MYH9: variants seen among roughly 807,000 people sequenced by gnomAD.
MYH9 encodes the protein myosin-9.
MYH9 carries 29 observed loss-of-function variants against 241.9 expected under a neutral mutation model. That is an observed-to-expected ratio of 0.12 (90% confidence interval 0.09 to 0.16). The LOEUF (loss-of-function observed/expected upper bound fraction) is 0.16. Ranked by LOEUF, MYH9 falls within the 10% of genes least tolerant of loss-of-function variation. The pLI is 1.00. For synonymous variants in MYH9, 1,047 were observed against 1,062.6 expected (o/e 0.99, Z 0.29); for missense variants, 1,803 against 2,595.5 (o/e 0.69, Z 6.63).
At chr22:36,313,383 C>T (rs8141162) in intron 13 of MYH9, among the ~76,000 whole-genome samples, 76,497 of 143,304 alleles carry the variant, frequency 0.53, 22,611 homozygotes, top group Non-Finnish European at 0.67. Flanking sequence ...ACCCGGAAGG[C>T]GGAGCTTGCA....
At position 36,301,626 on chromosome 22, in the gene MYH9, T is replaced by C. The variant is rs770422754; in HGVS notation, c.2539A>G (p.Met847Val). 1 of 1,613,870 alleles carries C rather than the reference T, an allele frequency of 6.2e-7. No individual in the cohort carries two copies. The highest frequency in any genetic ancestry group is 1.1e-5 in the South Asian group (1 of 91,072). Residue 847 changes from methionine (M) to valine (V), a missense_variant, in exon 21 of 41, where the codon ATG (methionine) becomes GTG (valine). Coordinates refer to ENST00000216181, the MANE Select transcript of MYH9 (RefSeq NM_002473.6). The stretch of plus-strand genomic sequence containing the variant: ...ACCAGCTCCTCCTCCTTGGCCATCA[T>C]CTCCTCCTCCTGCCGGCTCACCTGC... ...LLQVSRQEEE[M>V]MAKEEELVKV...
chr22:36,361,518 C>A (rs1229933420), intron 1 of MYH9, among the ~76,000 whole-genome samples: 1 of 152,100 alleles, frequency 6.6e-6, no homozygotes, highest in Non-Finnish European at 1.5e-5. Context: ...TCATGTTGTA[C>A]ACAATGGATA....
chr22:36,296,791 G>A (rs1346651413), intron 25 of MYH9, 52 bp downstream of exon 25: 7 of 1,546,442 alleles, frequency 4.5e-6, no homozygotes, highest in Non-Finnish European at 6.1e-6. Context: ...GCAGCAAGCA[G>A]GAAGGGCTGG....
At chr22:36,312,972 C>A (rs1389221980) in intron 13 of MYH9, among the ~76,000 whole-genome samples, 1 of 151,840 alleles carries the variant, frequency 6.6e-6, no homozygotes, top group Non-Finnish European at 1.5e-5. Flanking sequence ...AGCCTGTAAT[C>A]CCAGCCACTC....
chr22:36,326,698 T>A, intron 4 of MYH9, 37 bp from the exon 5 acceptor site: 1 of 1,569,278 alleles, frequency 6.4e-7, no homozygotes, highest in African/African-American at 1.3e-5. Flanking sequence ...GGCTTAGGCA[T>A]GGCCAAGTCC....
At chr22:36,347,527 G>C (rs937382054) in intron 2 of MYH9, among the ~76,000 whole-genome samples, 2 of 151,720 alleles carry the variant, frequency 1.3e-5, no homozygotes, top group African/African-American at 2.4e-5. Flanking sequence ...GTGCTCAGGA[G>C]TTCGAGACCA....
At chr22:36,314,086 G>C in intron 13 of MYH9, 59 bp downstream of exon 13, 1 of 1,564,156 alleles carries the variant, frequency 6.4e-7, no homozygotes, top group Non-Finnish European at 8.8e-7. Context: ...TGAGGAGCGG[G>C]TGCCCCGGAA....
At position 36,312,666 on chromosome 22, in the gene MYH9, G is replaced by A. The variant is rs2017084194; in HGVS notation, c.1555-444C>T. 2.0e-5 allele frequency among the ~76,000 whole-genome samples: 3 copies of A among 152,274 alleles called. No individual in the cohort carries two copies. The South Asian group carries it at 6.2e-4, about 32-fold the overall frequency. ...TAGGAGGAGCCCCTTGAGGAAGATA[G>A]TCCCAGGGACCCAGCAGCCTTCTGC... On this transcript the variant is annotated intron_variant, in intron 13 of 40. Coordinates refer to ENST00000216181, the MANE Select transcript of MYH9 (RefSeq NM_002473.6).
Position 36,296,706 on chromosome 22 carries a change from T to C in MYH9, c.3272+137A>G, listed in dbSNP as rs16996648. On this transcript the variant is annotated intron_variant, in intron 25 of 40. Transcript: ENST00000216181. Reference sequence around the variant, plus strand: ...CCTGAGTGCACAAGAACTGTTTTGCTATGAAATAAATGGCTCTTTTAAGAC... The same window carrying C: ...CCTGAGTGCACAAGAACTGTTTTGCCATGAAATAAATGGCTCTTTTAAGAC... 30,020 of 1,011,364 alleles carry C rather than the reference T, an allele frequency of 0.03. 2,634 individuals are homozygous for C. The highest frequency in any genetic ancestry group is 0.28 in the African/African-American group (17,028 of 61,324). The allele number at this position is 1,011,364 out of a possible 1,614,324, so 62.6% of individuals were successfully genotyped here.
At chr22:36,315,762 A>C (rs952783880) in intron 12 of MYH9, among the ~76,000 whole-genome samples, 4 of 151,126 alleles carry the variant, frequency 2.6e-5, no homozygotes, top group Non-Finnish European at 4.4e-5. Flanking sequence ...AAAAAATAAC[A>C]AACAAACAAA....
At position 36,281,381 on chromosome 22, in the gene MYH9, T is replaced by C. The variant is rs1264788402; in HGVS notation, c.*1287A>G. 1 of 224,476 alleles carries C rather than the reference T, an allele frequency of 4.5e-6. No individual in the cohort carries two copies. The allele number at this position is 224,476 out of a possible 1,614,324, so 13.9% of individuals were successfully genotyped here. ...AACACATGCTAAGGCACTTTTATTA[T>C]ATAAAAAAGGGGGTAGGGTGGGAGT... is the stretch of plus-strand genomic sequence containing the variant. On this transcript the variant is annotated 3_prime_UTR_variant, in exon 41 of 41. Transcript: ENST00000216181.
rs1017634760 is a variant in MYH9, at chr22:36,282,443, A to G, written c.*225T>C. The G allele has an allele frequency of 9.1e-6, 6 of 658,932 alleles. No homozygotes were observed. The highest frequency in any genetic ancestry group is 1.6e-5 in the Non-Finnish European group (6 of 363,986). 40.8% of individuals were successfully genotyped at this position (658,932 alleles called of 1,614,324 possible). A position where few individuals can be genotyped will look rare whatever the true frequency, so the allele number is the denominator to read the frequency against. On this transcript the variant is annotated 3_prime_UTR_variant, in exon 41 of 41. Transcript: ENST00000216181. ...TGGGCCCGGGCCCTGTCTCTTTGGT[A>G]TCAGATTCTGAGCAGGGGAGGGAGC...
chr22:36,333,081 A>T (rs2017448655), intron 3 of MYH9, among the ~76,000 whole-genome samples: 1 of 152,236 alleles, frequency 6.6e-6, no homozygotes, highest in Admixed American at 6.5e-5. Context: ...ACAGGGAATA[A>T]GAGGGAAGGA....
Position 36,300,798 on chromosome 22 carries a change from G to T in MYH9, c.2838+53C>A. ...CCCAGCTCCTGGTTCCTGCTCCTCCGCCCCGCCCTGCCCCTCCGGCGCCAC... is the reference window on the plus strand; with the variant it reads ...CCCAGCTCCTGGTTCCTGCTCCTCCTCCCCGCCCTGCCCCTCCGGCGCCAC... On this transcript the variant is annotated intron_variant, in intron 22 of 40. Coordinates refer to ENST00000216181, the MANE Select transcript of MYH9 (RefSeq NM_002473.6). The surrounding 1 kb of genome is among the most constrained non-coding windows in gnomAD (Gnocchi z 5.0). 4 of 1,588,570 alleles carry T rather than the reference G, an allele frequency of 2.5e-6. No homozygotes were observed. Among genetic ancestry groups the T allele is most frequent in the Non-Finnish European group, 3.4e-6 (4 of 1,171,788 alleles).
At chr22:36,360,712 C>CAA (rs551858499) in intron 1 of MYH9, among the ~76,000 whole-genome samples, 13 of 109,820 alleles carry the variant, frequency 1.2e-4, no homozygotes, top group African/African-American at 2.1e-4. Flanking sequence ...GACTCCATCT[C>CAA]AAAAAAAAAA....
At chr22:36,347,353 T>G (rs1018363823) in intron 2 of MYH9, among the ~76,000 whole-genome samples, 1 of 150,646 alleles carries the variant, frequency 6.6e-6, no homozygotes, top group South Asian at 2.1e-4. Flanking sequence ...CTGGACAGAG[T>G]CCCAGAGCAA....
rs753419440 is a variant in MYH9 at position 36,300,208 on chromosome 22, C to G, written c.2895G>C (p.Glu965Asp). ...TCAGCTTCGCCTCGGTGGTCACCTT[C>G]TCCAGCTGCAGCTTCTGCCGGGCGC... The part of the protein sequence containing the change: ...EESARQKLQL[E>D]KVTTEAKLKK... The change falls in exon 23 of 41, where the codon GAG (glutamate) becomes GAC (aspartate). Residue 965 changes from glutamate to aspartate, a missense_variant. Coordinates refer to ENST00000216181, the MANE Select transcript of MYH9 (RefSeq NM_002473.6). The surrounding 1 kb of genome is among the most constrained non-coding windows in gnomAD (Gnocchi z 5.0). The G allele has an allele frequency of 3.7e-6, 6 of 1,613,414 alleles. No homozygotes were observed. The African/African-American group carries it at 4.0e-5, about 11-fold the overall frequency.
chr22:36,300,044 G>A lies in MYH9; in HGVS notation c.2976+83C>T. ...AAGAGACAGGAAGCAGCAGCAGCGG[G>A]GAGCCAGGCCCTGCAAGGGTGACCA... On this transcript the variant is annotated intron_variant, in intron 23 of 40. Coordinates refer to ENST00000216181, the MANE Select transcript of MYH9 (RefSeq NM_002473.6). The surrounding 1 kb of genome is among the most constrained non-coding windows in gnomAD (Gnocchi z 5.0). 3 of 1,575,262 alleles carry A rather than the reference G, an allele frequency of 1.9e-6. No individual in the cohort carries two copies. The highest frequency in any genetic ancestry group is 2.6e-6 in the Non-Finnish European group (3 of 1,157,518).
chr22:36,362,294 G>C (rs998591914), intron 1 of MYH9, among the ~76,000 whole-genome samples: 1 of 152,112 alleles, frequency 6.6e-6, no homozygotes, highest in Non-Finnish European at 1.5e-5. Flanking sequence ...AGCCTGGCTC[G>C]AGGAGAGTCC....
Sources: allele counts gnomAD v4.1 joint callset (sites outside exome capture counted in the v4.1 genomes callset), GRCh38; gene constraint gnomAD v4.1.1; non-coding constraint Gnocchi (gnomAD v3.1); transcripts MANE v1.5; gene names NCBI Gene and HGNC (gene_info 2026-07-23, HGNC 2026-07-21).